The following SNRNP27 variants were observed in gnomAD, a reference collection of about 807,000 sequenced individuals.
The protein encoded by SNRNP27 is small nuclear ribonucleoprotein U4/U6.U5 subunit 27.
SNRNP27 carries 22 observed loss-of-function variants against 25.1 expected under a neutral mutation model. The ratio of observed to expected loss-of-function variants is 0.88; its 90% CI spans 0.63 to 1.25. The LOEUF (loss-of-function observed/expected upper bound fraction) is 1.25, where lower values mean the gene tolerates loss of function less well. Ranked by LOEUF, SNRNP27 falls within the 50% of genes most tolerant of loss-of-function variation. The probability of loss-of-function intolerance (pLI) is 0.00; values close to 1 mark genes in which losing one functional copy is unlikely to be tolerated. For missense variants in SNRNP27, 150 were observed against 202.3 expected, an observed-to-expected ratio of 0.74 and a Z score of 1.57; for synonymous variants, 66 against 64.9, an observed-to-expected ratio of 1.02 and a Z score of -0.08.
At position 69,903,148 on chromosome 2, in the gene SNRNP27, T is replaced by C. The variant is rs189445654; in HGVS notation, c.349-33T>C. 9.2e-5 allele frequency: 144 copies of C among 1,556,760 alleles called. No individual in the cohort carries two copies. In the African/African-American group the frequency reaches 1.6e-3, roughly 18 times the overall value. On this transcript the variant is annotated intron_variant, in intron 4 of 5. Coordinates refer to ENST00000244227, the MANE Select transcript of SNRNP27 (RefSeq NM_006857.3). Reference sequence around the variant, plus strand: ...ATCCTGATTTAATGTATCCTTCCTGTTTTTTGTCTGTTTGTTTATTGTTTT... The same window carrying C: ...ATCCTGATTTAATGTATCCTTCCTGCTTTTTGTCTGTTTGTTTATTGTTTT...
chr2:69,903,108 C>A, intron 4 of SNRNP27, 73 bp from the exon 5 acceptor site: 2 of 1,214,954 alleles, frequency 1.6e-6, no homozygotes, highest in Non-Finnish European at 2.4e-6. Flanking sequence ...ACTGCCACCA[C>A]ACCTGCTTTC....
intron 1 of SNRNP27, 97 bp downstream of exon 1, chr2:69,894,115 G>A (rs1272464022): frequency 2.6e-6 from 3 of 1,172,876 alleles, no homozygotes; most frequent in Admixed American, 2.1e-5. Flanking sequence ...GTAGCAGAGA[G>A]GCGGGCCCTT....
At chr2:69,894,464 C>T (rs1454176350) in intron 1 of SNRNP27, among the ~76,000 whole-genome samples, 3 of 152,056 alleles carry the variant, frequency 2.0e-5, no homozygotes, top group Non-Finnish European at 4.4e-5. Flanking sequence ...GTGATTCTGC[C>T]TGGTTCTTAA....
At chr2:69,897,530 T>C (rs543469280) in intron 4 of SNRNP27, 74 bp downstream of exon 4, 86 of 1,136,082 alleles carry the variant, frequency 7.6e-5, no homozygotes, top group Middle Eastern at 4.2e-4. Flanking sequence ...TTCTTTTCCA[T>C]TTATACAAAT....
Position 69,895,212 on chromosome 2 carries a change from C to A in SNRNP27, c.153C>A (p.Ser51=), listed in dbSNP as rs200650012. ...CGCGATCCCCGCACCGAAGACGCTC[C>A]CGGTAAGGGCAGAAAATAAGCCAAG... ...SRSRSPHRRR[S]RSPRRHRSTS... Residue 51 remains serine, a splice_region_variant and synonymous_variant, in exon 2 of 6, where the codon TCC becomes TCA. Transcript: ENST00000244227. 1.9e-6 allele frequency: 3 copies of A among 1,613,320 alleles called. No homozygotes were observed. The highest frequency in any genetic ancestry group is 1.7e-6 in the Non-Finnish European group (2 of 1,179,762).
rs1048130 is a variant in SNRNP27, at chr2:69,904,452, G to A, written c.*144G>A. 0.19 allele frequency: 132,339 copies of A among 712,658 alleles called. 13,408 individuals carry two copies. Among genetic ancestry groups the A allele is most frequent in the African/African-American group, 0.25 (13,634 of 55,412 alleles). 44.1% of individuals were successfully genotyped at this position (712,658 alleles called of 1,614,324 possible). On this transcript the variant is annotated 3_prime_UTR_variant, in exon 6 of 6. Transcript: ENST00000244227. ...TAAGAAAATCTTATTTATGATATAT[G>A]CAGTTAACTTACCTTGCCTCAACAG...
rs184996403 is a variant in SNRNP27, at chr2:69,899,841, G to T, written c.348+2385G>T. Among the ~76,000 whole-genome samples, 52 of 152,262 alleles carry T rather than the reference G, an allele frequency of 3.4e-4. No homozygotes were observed. The East Asian group carries it at 9.6e-3, about 28-fold the overall frequency. The stretch of plus-strand genomic sequence containing the variant: ...CCTCCTGGGCTGAAGCAATTTCCCT[G>T]CCTTAGCCTCTGGAGTAGCTGAGAG... On this transcript the variant is annotated intron_variant, in intron 4 of 5. Coordinates refer to ENST00000244227, the MANE Select transcript of SNRNP27 (RefSeq NM_006857.3).
At chr2:69,899,728 C>A (rs563687629) in intron 4 of SNRNP27, among the ~76,000 whole-genome samples, 39 of 152,216 alleles carry the variant, frequency 2.6e-4, no homozygotes, top group African/African-American at 9.1e-4. Flanking sequence ...TTGCGCCCGG[C>A]CTCATTTTTT....
intron 4 of SNRNP27, among the ~76,000 whole-genome samples, chr2:69,901,047 G>T (rs889114075): frequency 6.6e-6 from 1 of 152,096 alleles, no homozygotes; most frequent in South Asian, 2.1e-4. Context: ...AGTGGTGCAT[G>T]CCTGTAGTCC....
rs551709501 is a variant in SNRNP27, at chr2:69,902,246, T to G, written c.349-935T>G. ...CTTCCTCCTCCCTTCTTTCTTCTCC[T>G]TCCTCCTTCCTTCTTTCTTCTCCTT... On this transcript the variant is annotated intron_variant, in intron 4 of 5. Transcript: ENST00000244227. Among the ~76,000 whole-genome samples the G allele has an allele frequency of 5.3e-5, 8 of 149,690 alleles. No individual in the cohort carries two copies. In the East Asian group the frequency reaches 1.6e-3, roughly 30 times the overall value.
Position 69,904,519 on chromosome 2 carries a change from C to A in SNRNP27, c.*211C>A. The A allele has an allele frequency of 1.6e-6, 1 of 611,658 alleles. No homozygotes were observed. 37.9% of individuals were successfully genotyped at this position (611,658 alleles called of 1,614,324 possible). A position where few individuals can be genotyped will look rare whatever the true frequency, so the allele number is the denominator to read the frequency against. On this transcript the variant is annotated 3_prime_UTR_variant, in exon 6 of 6. Coordinates refer to ENST00000244227, the MANE Select transcript of SNRNP27 (RefSeq NM_006857.3). ...TACATTTTTTTCTTTTAGGAAATAT[C>A]ATTTGTGGCAGGCGTCAACCCCATT... is the stretch of plus-strand genomic sequence containing the variant.
At chr2:69,903,385 TA>T in intron 5 of SNRNP27, 140 bp downstream of exon 5, 1 of 672,874 alleles carries the variant, frequency 1.5e-6, no homozygotes, top group South Asian at 1.8e-5. Context: ...TCATTGCTTA[TA>T]TTCTGGTGTG....
At chr2:69,894,635 C>A (rs1676567325) in intron 1 of SNRNP27, among the ~76,000 whole-genome samples, 1 of 151,980 alleles carries the variant, frequency 6.6e-6, no homozygotes. Context: ...GGAGATCTAA[C>A]TTAGACCCTC....
intron 1 of SNRNP27, among the ~76,000 whole-genome samples, chr2:69,894,286 G>A (rs1676561837): frequency 6.6e-6 from 1 of 152,108 alleles, no homozygotes; most frequent in African/African-American, 2.4e-5. Flanking sequence ...TGTGGCCGGT[G>A]GGTTTAGAAT....
In SNRNP27 at chr2:69,895,081, G is replaced by A. The variant is rs1468003975; in HGVS notation, c.35-13G>A. On this transcript the variant is annotated splice_polypyrimidine_tract_variant and intron_variant, in intron 1 of 5. Coordinates refer to ENST00000244227, the MANE Select transcript of SNRNP27 (RefSeq NM_006857.3). ...TAATTATCAGTTCTGCAATTTGTGT[G>A]CGTTTGCATTAGAACGTAGGCGTTC... is the stretch of plus-strand genomic sequence containing the variant. 6.2e-7 allele frequency: 1 copy of A among 1,611,668 alleles called. No individual in the cohort carries two copies. The highest frequency in any genetic ancestry group is 1.7e-5 in the Admixed American group (1 of 59,638).
intron 1 of SNRNP27, among the ~76,000 whole-genome samples, chr2:69,894,619 C>G (rs78539092): frequency 1.8e-3 from 276 of 152,174 alleles, no homozygotes; most frequent in African/African-American, 6.1e-3. Flanking sequence ...CCCTGGACTT[C>G]CATTAGGAGA....
chr2:69,903,394 G>T (rs952952525), intron 5 of SNRNP27, 149 bp downstream of exon 5: 1 of 650,672 alleles, frequency 1.5e-6, no homozygotes. Flanking sequence ...ATATTCTGGT[G>T]TGTTAAAATT....
Position 69,895,083 on chromosome 2 carries a change from G to C in SNRNP27, c.35-11G>C, listed in dbSNP as rs927110163. On this transcript the variant is annotated splice_polypyrimidine_tract_variant and intron_variant, in intron 1 of 5. Transcript: ENST00000244227. ...ATTATCAGTTCTGCAATTTGTGTGC[G>C]TTTGCATTAGAACGTAGGCGTTCCC... The C allele has an allele frequency of 2.5e-6, 4 of 1,611,818 alleles. No individual in the cohort carries two copies. The highest frequency in any genetic ancestry group is 2.0e-4 in the Middle Eastern group (1 of 5,088).
intron 4 of SNRNP27, 91 bp from the exon 5 acceptor site, chr2:69,903,090 T>C: frequency 9.9e-7 from 1 of 1,007,986 alleles, no homozygotes; most frequent in Non-Finnish European, 1.6e-6. Context: ...GGAGTACAGG[T>C]ACATGCCACT....
Sources: allele counts gnomAD v4.1 joint callset (sites outside exome capture counted in the v4.1 genomes callset), GRCh38; gene constraint gnomAD v4.1.1; transcripts MANE v1.5; gene names NCBI Gene and HGNC (gene_info 2026-07-23, HGNC 2026-07-21).